ZNF813: variants seen among roughly 807,000 people sequenced by gnomAD.
ZNF813 encodes zinc finger protein 813.
ZNF813 carries 3 observed loss-of-function variants against 7.2 expected under a neutral mutation model. The ratio of observed to expected loss-of-function variants is 0.42; its 90% confidence interval spans 0.19 to 1.08. The LOEUF is 1.08. Among genes scored for constraint, ZNF813 ranks in the 50% least tolerant of loss-of-function variants. ZNF813 has a pLI of 0.30. For missense variants in ZNF813, 714 were observed against 753.3 expected (o/e 0.95, Z 0.61); for synonymous variants, 227 against 256.3 (o/e 0.89, Z 1.09).
At chr19:53,474,177 T>C (rs1215929855) in intron 1 of ZNF813, among the ~76,000 whole-genome samples, 1 of 152,192 alleles carries the variant, frequency 6.6e-6, no homozygotes, top group Non-Finnish European at 1.5e-5. Context: ...TTAACCTATC[T>C]TGAAAAAGGT....
Position 53,492,258 on chromosome 19 carries a change from C to T in ZNF813, c.*172C>T, listed in dbSNP as rs563368731. ...TTTTAATCAACAAGCACACCTTCCACGTCATCATAGACTTCATAGTGGAGA... is the reference window on the plus strand; with the variant it reads ...TTTTAATCAACAAGCACACCTTCCATGTCATCATAGACTTCATAGTGGAGA... On this transcript the variant is annotated 3_prime_UTR_variant, in exon 4 of 4. Coordinates refer to ENST00000396403, the MANE Select transcript of ZNF813 (RefSeq NM_001004301.4). The T allele has an allele frequency of 1.6e-5, 15 of 948,070 alleles. No homozygotes were observed. Among genetic ancestry groups the T allele is most frequent in the South Asian group, 9.9e-5 (6 of 60,762 alleles). The allele number at this position is 948,070 out of a possible 1,614,324, so 58.7% of individuals were successfully genotyped here.
chr19:53,475,953 T>C (rs1036393280), intron 1 of ZNF813, among the ~76,000 whole-genome samples: 7 of 152,198 alleles, frequency 4.6e-5, no homozygotes, highest in South Asian at 2.1e-4. Flanking sequence ...TCTCCTCTTT[T>C]TGTGGCTTCC....
chr19:53,484,565 ATAT>A (rs1167053652), intron 2 of ZNF813, among the ~76,000 whole-genome samples: 14 of 152,178 alleles, frequency 9.2e-5, no homozygotes, highest in African/African-American at 3.1e-4. Flanking sequence ...AATTATGATA[ATAT>A]TATTGTATTT....
intron 3 of ZNF813, among the ~76,000 whole-genome samples, chr19:53,488,664 C>T (rs2086445428): frequency 6.6e-6 from 1 of 151,594 alleles, no homozygotes; most frequent in Non-Finnish European, 1.5e-5. Context: ...CGTGATCCTC[C>T]TGCCTCAGCC....
chr19:53,490,998 C>T lies in ZNF813; in HGVS notation c.766C>T (p.Arg256Ter), dbSNP rs758181225. 73 of 1,613,940 alleles carry T rather than the reference C, an allele frequency of 4.5e-5. 1 individual carries two copies. Among genetic ancestry groups the T allele is most frequent in the South Asian group, 1.1e-4 (10 of 91,078 alleles). The change falls in exon 4 of 4, where the codon CGA (arginine) becomes TGA (stop). Residue 256 changes from arginine (R) to a stop codon, truncating the protein, a stop_gained. Coordinates refer to ENST00000396403, the MANE Select transcript of ZNF813 (RefSeq NM_001004301.4). LOFTEE classifies it low-confidence loss of function (END_TRUNC). Reference protein sequence around the residue: ...DVCGKVFNRKRNLVCHRRCHT... With the variant: ...DVCGKVFNRK The stretch of plus-strand genomic sequence containing the variant: ...ATGTGGCAAGGTCTTTAATCGGAAG[C>T]GAAACCTAGTGTGCCATCGTAGATG...
chr19:53,487,071 C>T (rs1194035367), intron 3 of ZNF813, among the ~76,000 whole-genome samples: 2 of 151,526 alleles, frequency 1.3e-5, no homozygotes, highest in African/African-American at 4.9e-5. Context: ...TCCTCCTCAG[C>T]CTCCTGAGTA....
rs1296776110 is a variant in ZNF813, at chr19:53,493,885, C to T, written c.*1799C>T. On this transcript the variant is annotated 3_prime_UTR_variant, in exon 4 of 4. Transcript: ENST00000396403. ...TGTGAGATCCTACAGGAAAATCATTCCATGTTCCCTGCTTCGTTATCTACT... is the reference window on the plus strand; with the variant it reads ...TGTGAGATCCTACAGGAAAATCATTTCATGTTCCCTGCTTCGTTATCTACT... The T allele has an allele frequency of 1.3e-5, 2 of 152,342 alleles. No homozygotes were observed. The highest frequency in any genetic ancestry group is 2.9e-5 in the Non-Finnish European group (2 of 68,046). The allele number at this position is 152,342 out of a possible 1,614,324, so 9.4% of individuals were successfully genotyped here.
intron 1 of ZNF813, among the ~76,000 whole-genome samples, chr19:53,477,693 C>T (rs1374563124): frequency 1.3e-5 from 2 of 152,002 alleles, no homozygotes; most frequent in African/African-American, 4.8e-5. Flanking sequence ...TGATGGTGCA[C>T]ACCTGTACTC....
intron 3 of ZNF813, among the ~76,000 whole-genome samples, chr19:53,487,948 A>G (rs1202125358): frequency 1.3e-5 from 2 of 152,176 alleles, no homozygotes; most frequent in African/African-American, 4.8e-5. Context: ...TAAATAATAG[A>G]AAAAAAGTTG....
intron 1 of ZNF813, among the ~76,000 whole-genome samples, chr19:53,470,038 T>A (rs4622627): frequency 0.37 from 55,572 of 151,390 alleles, 10,794 homozygotes; most frequent in African/African-American, 0.49. Flanking sequence ...ATGTAATGAT[T>A]GGTCACATAA....
At chr19:53,468,820 G>A (rs1465769517) in intron 1 of ZNF813, among the ~76,000 whole-genome samples, 1 of 151,964 alleles carries the variant, frequency 6.6e-6, no homozygotes, top group Non-Finnish European at 1.5e-5. Context: ...CCATTCCCAG[G>A]GACCAGCAGG....
intron 1 of ZNF813, among the ~76,000 whole-genome samples, chr19:53,476,428 A>G (rs1382955824): frequency 6.6e-6 from 1 of 152,006 alleles, no homozygotes; most frequent in African/African-American, 2.4e-5. Flanking sequence ...CAGGAGTCCA[A>G]GACCAGACCG....
chr19:53,470,313 CT>C (rs2086352362), intron 1 of ZNF813, among the ~76,000 whole-genome samples: 2 of 150,410 alleles, frequency 1.3e-5, no homozygotes, highest in South Asian at 4.2e-4. Context: ...TTGTTCTTCT[CT>C]TTTTAACCCT....
rs1394631553 is a variant in ZNF813, at chr19:53,491,592, C to T, written c.1360C>T (p.Leu454Phe). The T allele has an allele frequency of 6.2e-7, 1 of 1,613,510 alleles. No homozygotes were observed. The highest frequency in any genetic ancestry group is 1.1e-5 in the South Asian group (1 of 91,036). The part of the protein sequence containing the change: ...CVKTFSRNSA[L>F]VIHKAIHIGE... ...CAAGACGTTCAGTCGAAATTCAGCCCTTGTAATTCATAAGGCTATTCATAT... is the reference window on the plus strand; with the variant it reads ...CAAGACGTTCAGTCGAAATTCAGCCTTTGTAATTCATAAGGCTATTCATAT... Residue 454 changes from leucine (L) to phenylalanine (F), a missense_variant, in exon 4 of 4, where the codon CTT becomes TTT. By Grantham distance (22) the Leu-to-Phe change is conservative. Coordinates refer to ENST00000396403, the MANE Select transcript of ZNF813 (RefSeq NM_001004301.4).
intron 1 of ZNF813, among the ~76,000 whole-genome samples, chr19:53,479,105 T>C (rs540429117): frequency 6.6e-6 from 1 of 152,078 alleles, no homozygotes; most frequent in Non-Finnish European, 1.5e-5. Context: ...AGGCCAATTT[T>C]TGTACTTTTA....
intron 1 of ZNF813, among the ~76,000 whole-genome samples, chr19:53,470,831 G>A (rs1236949856): frequency 6.6e-6 from 1 of 151,950 alleles, no homozygotes; most frequent in Non-Finnish European, 1.5e-5. Context: ...TCCTGGGCTA[G>A]GAGGTAGTCG....
chr19:53,471,353 T>A (rs942466055), intron 1 of ZNF813, among the ~76,000 whole-genome samples: 3 of 152,098 alleles, frequency 2.0e-5, no homozygotes, highest in African/African-American at 7.2e-5. Flanking sequence ...GAGAATGGGT[T>A]TGGATGAGGT....
At chr19:53,473,820 C>A (rs2086370442) in intron 1 of ZNF813, among the ~76,000 whole-genome samples, 1 of 152,096 alleles carries the variant, frequency 6.6e-6, no homozygotes, top group South Asian at 2.1e-4. Context: ...ATTGGAGAGG[C>A]CGACTGAACG....
rs745932236 is a variant in ZNF813, at chr19:53,490,894, G to A, written c.662G>A (p.Gly221Asp). 3 of 1,614,118 alleles carry A rather than the reference G, an allele frequency of 1.9e-6. No homozygotes were observed. The highest frequency in any genetic ancestry group is 2.5e-6 in the Non-Finnish European group (3 of 1,180,002). Residue 221 changes from glycine to aspartate, a missense_variant, in exon 4 of 4, where the codon GGC (glycine) becomes GAC (aspartate). By Grantham distance (94) the Gly-to-Asp change is moderately conservative (BLOSUM62 -1). Coordinates refer to ENST00000396403, the MANE Select transcript of ZNF813 (RefSeq NM_001004301.4). ...REKSFQCNES[G>D]KAFNYSSLLR... is the part of the protein sequence containing the mutation. The stretch of plus-strand genomic sequence containing the variant: ...AAGTCTTTCCAATGTAATGAGAGTG[G>A]CAAAGCCTTTAATTATAGCTCACTC...
Sources: allele counts gnomAD v4.1 joint callset (sites outside exome capture counted in the v4.1 genomes callset), GRCh38; gene constraint gnomAD v4.1.1; transcripts MANE v1.5; gene names NCBI Gene and HGNC (gene_info 2026-07-23, HGNC 2026-07-21).